PACS2: variants seen among roughly 807,000 people sequenced by gnomAD.
PACS2 encodes the protein PACS1-like protein.
A neutral mutation model predicts 113.0 loss-of-function variants in PACS2; 36 were observed. That is an observed-to-expected ratio of 0.32 (90% confidence interval 0.24 to 0.42). The LOEUF (loss-of-function observed/expected upper bound fraction) is 0.42. Ranked by LOEUF, PACS2 falls within the 10% of genes least tolerant of loss-of-function variation. PACS2 has a pLI of 1.00. For missense variants in PACS2, 1,015 were observed against 1,239.5 expected (o/e 0.82, Z 2.72); for synonymous variants, 589 against 536.1 (o/e 1.10, Z -1.36).
upstream of PACS2, among the ~76,000 whole-genome samples, chr14:105,310,329 G>C (rs2058316247): frequency 6.6e-6 from 1 of 151,106 alleles, no homozygotes; most frequent in African/African-American, 2.4e-5. Flanking sequence ...AGGAGATCAA[G>C]ACCATCCTGG....
At chr14:105,394,429 C>T in intron 24 of PACS2, 125 bp from the exon 25 acceptor site, 1 of 1,499,942 alleles carries the variant, frequency 6.7e-7, no homozygotes, top group Non-Finnish European at 8.9e-7. Context: ...TGATGCCCTC[C>T]AGCATGGGGC....
Position 105,315,075 on chromosome 14 carries a change from C to A in PACS2, c.119+38C>A. The stretch of plus-strand genomic sequence containing the variant: ...CGCCGCGCTTTGTTCCCGCCGGGCA[C>A]CTGCTGGGGGTGTCCTGGCCGCGGC... On this transcript the variant is annotated intron_variant, in intron 1 of 24. Transcript: ENST00000447393. This position sits in a 1 kb window ranked among gnomAD's most constrained non-coding sequence, Gnocchi z 4.4. The A allele has an allele frequency of 9.0e-7, 1 of 1,116,576 alleles. No homozygotes were observed. Among genetic ancestry groups the A allele is most frequent in the Middle Eastern group, 3.9e-4 (1 of 2,596 alleles). 69.2% of individuals were successfully genotyped at this position (1,116,576 alleles called of 1,614,324 possible).
intron 9 of PACS2, among the ~76,000 whole-genome samples, chr14:105,378,147 A>C (rs2080852302): frequency 6.6e-6 from 1 of 152,146 alleles, no homozygotes. Context: ...CTTCAGCCGG[A>C]GAAAGTTTTC....
At position 105,324,553 on chromosome 14, in the gene PACS2, C is replaced by A. The variant is rs934397346; in HGVS notation, c.119+9516C>A. ...AGAGGCAGCCCTAAAAATAGCCGAG[C>A]GCTGAGAGGCCGTCCCTTTCTGCTC... On this transcript the variant is annotated intron_variant, in intron 1 of 24. Coordinates refer to ENST00000447393, the MANE Select transcript of PACS2 (RefSeq NM_001100913.3). This position sits in a 1 kb window ranked among gnomAD's most constrained non-coding sequence, Gnocchi z 4.7. Among the ~76,000 whole-genome samples the A allele has an allele frequency of 2.0e-5, 3 of 152,270 alleles. No individual in the cohort carries two copies. The highest frequency in any genetic ancestry group is 3.4e-3 in the Middle Eastern group (1 of 294).
At chr14:105,333,008 G>T (rs1310376926) in intron 1 of PACS2, among the ~76,000 whole-genome samples, 1 of 152,124 alleles carries the variant, frequency 6.6e-6, no homozygotes, top group Non-Finnish European at 1.5e-5. Flanking sequence ...CTGCGTCGTG[G>T]TTTCTCCTCT....
At chr14:105,374,706 A>G (rs587744965) in intron 8 of PACS2, 1 of 152,342 alleles carries the variant, frequency 6.6e-6, no homozygotes, top group South Asian at 2.1e-4. Flanking sequence ...GCAATGTAAA[A>G]TCCCTGGAGG....
chr14:105,366,627 G>A lies in PACS2; in HGVS notation c.424-586G>A, dbSNP rs2060950657. On this transcript the variant is annotated intron_variant, in intron 4 of 24. Coordinates refer to ENST00000447393, the MANE Select transcript of PACS2 (RefSeq NM_001100913.3). This position sits in a 1 kb window ranked among gnomAD's most constrained non-coding sequence, Gnocchi z 4.3. Reference sequence around the variant, plus strand: ...GGACCTGGCCTGTGAGCCAGGCCTGGTGGGTGTCTCCTGCTGCTGGAGATT... The same window carrying A: ...GGACCTGGCCTGTGAGCCAGGCCTGATGGGTGTCTCCTGCTGCTGGAGATT... Among the ~76,000 whole-genome samples the A allele has an allele frequency of 6.6e-6, 1 of 152,222 alleles. No homozygotes were observed. Among genetic ancestry groups the A allele is most frequent in the African/African-American group, 2.4e-5 (1 of 41,452 alleles).
At chr14:105,325,169 C>CGGG (rs200750791) in intron 1 of PACS2, among the ~76,000 whole-genome samples, 988 of 41,676 alleles carry the variant, frequency 0.024, 11 homozygotes, top group African/African-American at 0.044. Flanking sequence ...GGTGGTGGGA[C>CGGG]GGGGGGGGGC....
rs587743366 is a variant in PACS2 at position 105,397,658 on chromosome 14, G to C, written c.*2986G>C. The C allele has an allele frequency of 6.5e-6, 1 of 152,768 alleles. No individual in the cohort carries two copies. Among genetic ancestry groups the C allele is most frequent in the Non-Finnish European group, 1.5e-5 (1 of 68,360 alleles). 9.5% of individuals were successfully genotyped at this position (152,768 alleles called of 1,614,324 possible). On this transcript the variant is annotated 3_prime_UTR_variant, in exon 25 of 25. Transcript: ENST00000447393. ...AGCCAGTGTCCTGGTTCAGTGCCTC[G>C]GCCAGAGCTGGGGCAGGAGAGGGGC...
Position 105,354,042 on chromosome 14 carries a change from C to A in PACS2, c.298-1010C>A, listed in dbSNP as rs1441253665. Among the ~76,000 whole-genome samples, 1 of 151,828 alleles carries A rather than the reference C, an allele frequency of 6.6e-6. No homozygotes were observed. Among genetic ancestry groups the A allele is most frequent in the Non-Finnish European group, 1.5e-5 (1 of 67,954 alleles). On this transcript the variant is annotated intron_variant, in intron 3 of 24. Coordinates refer to ENST00000447393, the MANE Select transcript of PACS2 (RefSeq NM_001100913.3). The surrounding 1 kb of genome is among the most constrained non-coding windows in gnomAD (Gnocchi z 4.2). ...GAGGTTGGTTGCAGTGAGCTGAGAT[C>A]ATGCCATAGCACTCCAGCCTGGGGG...
In PACS2 at chr14:105,391,726, C is replaced by A; in HGVS notation, c.2215C>A (p.Pro739Thr). Reference sequence around the variant, plus strand: ...GGCCAAGGAGGCCTCACCCACCCCGCCCTCCTCCCCGTCGGTGAGCGGAGG... The same window carrying A: ...GGCCAAGGAGGCCTCACCCACCCCGACCTCCTCCCCGTCGGTGAGCGGAGG... ...PAAKEASPTP[P>T]SSPSVSGGLS... The change falls in exon 22 of 25, where the codon CCC (proline) becomes ACC (threonine). Residue 739 changes from proline (P) to threonine (T), a missense_variant. Pro to Thr is a conservative substitution (Grantham distance 38). Coordinates refer to ENST00000447393, the MANE Select transcript of PACS2 (RefSeq NM_001100913.3). 1 of 1,597,830 alleles carries A rather than the reference C, an allele frequency of 6.3e-7. No individual in the cohort carries two copies. The highest frequency in any genetic ancestry group is 8.5e-7 in the Non-Finnish European group (1 of 1,172,722).
chr14:105,310,287 T>G (rs1043898537), upstream of PACS2, among the ~76,000 whole-genome samples: 6 of 151,454 alleles, frequency 4.0e-5, no homozygotes, highest in African/African-American at 1.5e-4. Context: ...TCCCAGCACT[T>G]TGGGAGGTCG....
intron 2 of PACS2, among the ~76,000 whole-genome samples, chr14:105,350,272 C>T (rs979869059): frequency 2.6e-5 from 4 of 152,160 alleles, no homozygotes; most frequent in African/African-American, 9.7e-5. Context: ...ATTGGGTCTT[C>T]AGAGCAATGC....
chr14:105,349,524 G>A (rs2060076962), intron 2 of PACS2, among the ~76,000 whole-genome samples: 1 of 152,236 alleles, frequency 6.6e-6, no homozygotes, highest in Non-Finnish European at 1.5e-5. Context: ...CGGGGTCTCC[G>A]GGTCTCCCCG....
At position 105,355,430 on chromosome 14, in the gene PACS2, C is replaced by T. The variant is rs782321259; in HGVS notation, c.423+253C>T. ...TGCAGCCGCGCGCACTCCCCTCTAACGAGCCTGTCCTGCCCTTCAGTGGAG... is the reference window on the plus strand; with the variant it reads ...TGCAGCCGCGCGCACTCCCCTCTAATGAGCCTGTCCTGCCCTTCAGTGGAG... On this transcript the variant is annotated intron_variant, in intron 4 of 24. Coordinates refer to ENST00000447393, the MANE Select transcript of PACS2 (RefSeq NM_001100913.3). The surrounding 1 kb of genome is among the most constrained non-coding windows in gnomAD (Gnocchi z 4.1). Among the ~76,000 whole-genome samples the T allele has an allele frequency of 6.6e-6, 1 of 152,244 alleles. No individual in the cohort carries two copies. Among genetic ancestry groups the T allele is most frequent in the South Asian group, 2.1e-4 (1 of 4,832 alleles).
At chr14:105,360,734 T>C (rs1450239260) in intron 4 of PACS2, among the ~76,000 whole-genome samples, 1 of 152,120 alleles carries the variant, frequency 6.6e-6, no homozygotes, top group Non-Finnish European at 1.5e-5. Flanking sequence ...ACTTGACTCT[T>C]CTTTTCGCAG....
rs73359072 is a variant in PACS2 at position 105,357,933 on chromosome 14, T to A, written c.423+2756T>A. Among the ~76,000 whole-genome samples the A allele has an allele frequency of 0.062, 9,405 of 152,114 alleles. 1,034 individuals carry two copies. The highest frequency in any genetic ancestry group is 0.22 in the African/African-American group (8,981 of 41,474). On this transcript the variant is annotated intron_variant, in intron 4 of 24. Transcript: ENST00000447393. The surrounding 1 kb of genome is among the most constrained non-coding windows in gnomAD (Gnocchi z 5.1). The stretch of plus-strand genomic sequence containing the variant: ...GGGTGAGGCGGGCTGTTGGGCGGAC[T>A]CGAGGCCAGGGCTGAGAGTGTGGTG...
intron 5 of PACS2, among the ~76,000 whole-genome samples, chr14:105,367,816 C>T (rs1230954602): frequency 3.3e-5 from 5 of 152,212 alleles, no homozygotes; most frequent in African/African-American, 7.2e-5. Context: ...CCGTGGAGGC[C>T]GGAGCAGTTC....
intron 4 of PACS2, among the ~76,000 whole-genome samples, chr14:105,364,419 TGTCCCGGGTGCGCGGTGGGCGGC>T (rs1566943399): frequency 0.034 from 2,276 of 66,794 alleles, 63 homozygotes; most frequent in African/African-American, 0.11. Flanking sequence ...CGGTGGGCGG[TGTCCCGGGTGCGCGGTGGGCGGC>T]GTCCCGGGTG....
Sources: allele counts gnomAD v4.1 joint callset (sites outside exome capture counted in the v4.1 genomes callset), GRCh38; gene constraint gnomAD v4.1.1; non-coding constraint Gnocchi (gnomAD v3.1); transcripts MANE v1.5; gene names NCBI Gene and HGNC (gene_info 2026-07-23, HGNC 2026-07-21).